Variants in NEK7 observed in about 807,000 individuals in gnomAD.
NEK7 encodes serine/threonine-protein kinase Nek7.
Under a neutral mutation model 44.6 loss-of-function variants are expected in NEK7, and 18 were observed. That is an observed-to-expected ratio of 0.40 (90% confidence interval 0.28 to 0.60). The LOEUF (loss-of-function observed/expected upper bound fraction) is 0.60, where lower values mean the gene tolerates loss of function less well. Ranked by LOEUF, NEK7 falls within the 20% of genes least tolerant of loss-of-function variation. The probability of loss-of-function intolerance (pLI) is 0.38; values close to 1 mark genes in which losing one functional copy is unlikely to be tolerated. For missense variants in NEK7, 256 were observed against 366.5 expected, an observed-to-expected ratio of 0.70 and a Z score of 2.46; for synonymous variants, 130 against 121.1, an observed-to-expected ratio of 1.07 and a Z score of -0.48.
chr1:198,178,226 A>G (rs1664661270), intron 1 of NEK7, among the ~76,000 whole-genome samples: 1 of 152,070 alleles, frequency 6.6e-6, no homozygotes, highest in South Asian at 2.1e-4. Context: ...AGAAAGAACA[A>G]CTTTATAAAT....
intron 1 of NEK7, among the ~76,000 whole-genome samples, chr1:198,212,618 G>C (rs558610949): frequency 2.6e-5 from 4 of 152,326 alleles, no homozygotes; most frequent in Admixed American, 2.0e-4. Context: ...GCCTGACCCA[G>C]CCCACACCTG....
chr1:198,294,912 AATGT>A (rs1287760219), intron 8 of NEK7, among the ~76,000 whole-genome samples: 1 of 152,096 alleles, frequency 6.6e-6, no homozygotes, highest in African/African-American at 2.4e-5. Context: ...GTTGTGTTTC[AATGT>A]ACTGTTAATA....
At chr1:198,239,293 T>C (rs570017406) in intron 2 of NEK7, among the ~76,000 whole-genome samples, 1 of 152,336 alleles carries the variant, frequency 6.6e-6, no homozygotes, top group Admixed American at 6.5e-5. Flanking sequence ...TCTGGTCTCC[T>C]TTGATTCCTC....
chr1:198,215,638 C>T (rs1037455418), intron 1 of NEK7, among the ~76,000 whole-genome samples: 18 of 151,794 alleles, frequency 1.2e-4, no homozygotes, highest in Non-Finnish European at 2.9e-5. Context: ...ATATCAAAAG[C>T]CAAATAAGTA....
chr1:198,306,281 T>C (rs1655024026), intron 9 of NEK7, among the ~76,000 whole-genome samples: 1 of 152,190 alleles, frequency 6.6e-6, no homozygotes, highest in Admixed American at 6.5e-5. Context: ...TAAGGAGATA[T>C]ATTTTGATCT....
At chr1:198,306,504 C>T (rs1361942678) in intron 9 of NEK7, among the ~76,000 whole-genome samples, 1 of 152,066 alleles carries the variant, frequency 6.6e-6, no homozygotes, top group East Asian at 1.9e-4. Flanking sequence ...AACCCTAGCT[C>T]TTCATACAAT....
intron 9 of NEK7, among the ~76,000 whole-genome samples, chr1:198,314,345 T>G (rs1655284105): frequency 6.6e-6 from 1 of 152,190 alleles, no homozygotes; most frequent in Non-Finnish European, 1.5e-5. Context: ...TAAATTTTTT[T>G]CAAAGTTTTC....
At chr1:198,282,988 G>A (rs1266490843) in intron 7 of NEK7, among the ~76,000 whole-genome samples, 2 of 152,020 alleles carry the variant, frequency 1.3e-5, no homozygotes, top group African/African-American at 4.8e-5. Context: ...GAGAGAGTGA[G>A]GTGGGGCAAG....
At chr1:198,305,979 A>G (rs1655013856) in intron 9 of NEK7, among the ~76,000 whole-genome samples, 1 of 152,126 alleles carries the variant, frequency 6.6e-6, no homozygotes, top group Non-Finnish European at 1.5e-5. Context: ...CGGGCAGTAT[A>G]ATATAGTACT....
At chr1:198,268,110 C>T (rs1372966542) in intron 5 of NEK7, among the ~76,000 whole-genome samples, 1 of 151,530 alleles carries the variant, frequency 6.6e-6, no homozygotes, top group Non-Finnish European at 1.5e-5. Context: ...TTCTTCCTGG[C>T]CTTTAATGAT....
chr1:198,169,590 G>GT (rs34108311), intron 1 of NEK7, among the ~76,000 whole-genome samples: 1,851 of 122,964 alleles, frequency 0.015, 44 homozygotes, highest in African/African-American at 0.049. Flanking sequence ...AACTTACTGG[G>GT]TTTTTTTTTT....
At chr1:198,261,239 T>C (rs895253372) in intron 3 of NEK7, among the ~76,000 whole-genome samples, 6 of 152,028 alleles carry the variant, frequency 3.9e-5, no homozygotes, top group Admixed American at 3.3e-4. Flanking sequence ...TAGTTGTGTA[T>C]GCATTAGACT....
chr1:198,319,358 A>T, intron 9 of NEK7, 54 bp from the exon 10 acceptor site: 1 of 1,291,600 alleles, frequency 7.7e-7, no homozygotes, highest in Non-Finnish European at 1.1e-6. Context: ...CTCTCAGTAA[A>T]CTAACCAAAA....
At chr1:198,224,459 A>G (rs1666154086) in intron 1 of NEK7, among the ~76,000 whole-genome samples, 1 of 152,186 alleles carries the variant, frequency 6.6e-6, no homozygotes, top group East Asian at 1.9e-4. Context: ...TACAATGACA[A>G]AATCAACTAA....
intron 9 of NEK7, among the ~76,000 whole-genome samples, chr1:198,298,520 T>C (rs1422361205): frequency 3.9e-5 from 6 of 152,230 alleles, no homozygotes; most frequent in Non-Finnish European, 8.8e-5. Flanking sequence ...CTTTATTTGA[T>C]GTTAATACTA....
At chr1:198,247,372 C>T (rs1177460017) in intron 2 of NEK7, among the ~76,000 whole-genome samples, 1 of 152,056 alleles carries the variant, frequency 6.6e-6, no homozygotes, top group African/African-American at 2.4e-5. Context: ...GCTTAATAAC[C>T]TGGCAGTGTG....
intron 7 of NEK7, among the ~76,000 whole-genome samples, chr1:198,283,789 T>C (rs1276050973): frequency 6.6e-6 from 1 of 152,132 alleles, no homozygotes; most frequent in Non-Finnish European, 1.5e-5. Flanking sequence ...GGAACTGCAT[T>C]ACATTCTGAT....
chr1:198,215,250 A>G (rs140125940), intron 1 of NEK7, among the ~76,000 whole-genome samples: 7 of 152,330 alleles, frequency 4.6e-5, no homozygotes, highest in African/African-American at 1.7e-4. Context: ...CACAAGGTTT[A>G]TAAAACAATA....
chr1:198,309,905 A>C (rs1017356669), intron 9 of NEK7, among the ~76,000 whole-genome samples: 42 of 152,204 alleles, frequency 2.8e-4, no homozygotes, highest in South Asian at 6.2e-4. Flanking sequence ...AATAAACATA[A>C]GTGTGCATGT....
Sources: gnomAD v4.1 joint callset for allele counts (sites outside exome capture counted in the v4.1 genomes callset) on GRCh38, gnomAD v4.1.1 for gene constraint, MANE v1.5 for transcripts, NCBI Gene and HGNC (gene_info 2026-07-23, HGNC 2026-07-21) for gene names.